SPANXN2: variants seen among roughly 807,000 people sequenced by gnomAD.
The protein encoded by SPANXN2 is sperm protein associated with the nucleus on the X chromosome N2.
A neutral mutation model predicts 2.0 loss-of-function variants in SPANXN2; 1 was observed. The observed-to-expected ratio is 0.50, with a 90% CI of 0.18 to 2.36. The LOEUF (loss-of-function observed/expected upper bound fraction) is 2.36, where lower values mean the gene tolerates loss of function less well. Among genes scored for constraint, SPANXN2 ranks in the 30% most tolerant of loss-of-function variants. SPANXN2 has a pLI of 0.26. For synonymous variants in SPANXN2, 43 were observed against 49.8 expected (o/e 0.86, Z 0.58); for missense variants, 88 against 116.7 (o/e 0.75, Z 1.13).
intron 1 of SPANXN2, among the ~76,000 whole-genome samples, chrX:143,715,181 C>T (rs1932237479): frequency 9.0e-6 from 1 of 111,353 alleles, no homozygotes; most frequent in Non-Finnish European, 1.9e-5. Flanking sequence ...TTCTGTCAGT[C>T]TCTAGTAAGC....
chrX:143,711,988 C>T (rs375431998), exon 2 of SPANXN2: 57 of 1,207,843 alleles, frequency 4.7e-5, no homozygotes, highest in Admixed American at 2.2e-4. Context: ...TTGTAATCAT[C>T]GCCATTGGTA....
intron 1 of SPANXN2, among the ~76,000 whole-genome samples, chrX:143,719,879 G>A (rs1932333206): frequency 9.1e-6 from 1 of 109,671 alleles, no homozygotes; most frequent in Non-Finnish European, 1.9e-5. Flanking sequence ...ACATTTGGCC[G>A]ATGTATACTC....
At chrX:143,712,999 C>T (rs782754884) in intron 1 of SPANXN2, among the ~76,000 whole-genome samples, 1 of 111,770 alleles carries the variant, frequency 8.9e-6, no homozygotes, top group African/African-American at 3.3e-5. Flanking sequence ...AGTACCCCAG[C>T]CTGTAAGCGG....
intron 1 of SPANXN2, among the ~76,000 whole-genome samples, chrX:143,716,919 C>A (rs1170646613): frequency 8.9e-6 from 1 of 111,833 alleles, no homozygotes; most frequent in Non-Finnish European, 1.9e-5. Flanking sequence ...CCCAGCCACC[C>A]TTCTCCCTGT....
chrX:143,713,578 C>G (rs187282360), intron 1 of SPANXN2, among the ~76,000 whole-genome samples: 95 of 111,600 alleles, frequency 8.5e-4, no homozygotes, highest in African/African-American at 3.0e-3. Context: ...GCCACTCTGG[C>G]TGCTCTGGCC....
intron 1 of SPANXN2, among the ~76,000 whole-genome samples, chrX:143,717,929 C>T (rs1318310597): frequency 1.8e-5 from 2 of 111,716 alleles, no homozygotes; most frequent in Admixed American, 1.9e-4. Context: ...ACCAAAAAGG[C>T]ACACACCATC....
chrX:143,717,936 C>T (rs1406260073), intron 1 of SPANXN2, among the ~76,000 whole-genome samples: 4 of 111,561 alleles, frequency 3.6e-5, no homozygotes, highest in Admixed American at 1.9e-4. Flanking sequence ...AGGCACACAC[C>T]ATCGCTTCTA....
At chrX:143,712,714 A>C (rs1602677947) in intron 1 of SPANXN2, among the ~76,000 whole-genome samples, 1 of 111,141 alleles carries the variant, frequency 9.0e-6, no homozygotes, top group African/African-American at 3.3e-5. Flanking sequence ...ACGATTTCGC[A>C]AGTTCTTTGC....
Sources: gnomAD v4.1 joint callset for allele counts (sites outside exome capture counted in the v4.1 genomes callset) on GRCh38, gnomAD v4.1.1 for gene constraint, MANE v1.5 for transcripts, NCBI Gene and HGNC (gene_info 2026-07-23, HGNC 2026-07-21) for gene names.